The following IQCM variants were observed in gnomAD, a reference collection of about 807,000 sequenced individuals.
IQCM encodes the protein IQ motif containing M, also known as IQ domain-containing protein M.
In IQCM, 45 loss-of-function variants were observed where a neutral mutation model predicts 57.6. The observed-to-expected ratio is 0.78, with a 90% CI of 0.62 to 1.00. The LOEUF (loss-of-function observed/expected upper bound fraction) is 1.00. Ranked by LOEUF, IQCM falls within the 50% of genes least tolerant of loss-of-function variation. The probability of loss-of-function intolerance (pLI) is 0.00; values close to 1 mark genes in which losing one functional copy is unlikely to be tolerated. For missense variants in IQCM, 468 were observed against 511.6 expected (o/e 0.91, Z 0.82); for synonymous variants, 148 against 158.9 (o/e 0.93, Z 0.51).
chr4:149,434,748 A>T (rs1261227367), intron 12 of IQCM, among the ~76,000 whole-genome samples: 1 of 152,042 alleles, frequency 6.6e-6, no homozygotes, highest in Admixed American at 6.6e-5. Context: ...AAATTGGGCA[A>T]TGGAGAGAAC....
At chr4:149,731,875 GT>G (rs33920855) in intron 5 of IQCM, among the ~76,000 whole-genome samples, 37,302 of 151,950 alleles carry the variant, frequency 0.25, 4,643 homozygotes, top group East Asian at 0.28. Flanking sequence ...TTATTTAAAT[GT>G]TTCTAACCAA....
chr4:149,728,337 A>G (rs1233822024), intron 5 of IQCM, among the ~76,000 whole-genome samples: 1 of 152,130 alleles, frequency 6.6e-6, no homozygotes, highest in Non-Finnish European at 1.5e-5. Context: ...TTTACTTGTG[A>G]TGTACTCTCA....
intron 2 of IQCM, among the ~76,000 whole-genome samples, chr4:149,766,416 C>T (rs1306441915): frequency 1.3e-5 from 2 of 152,122 alleles, no homozygotes; most frequent in Non-Finnish European, 2.9e-5. Context: ...TCCCAATTGA[C>T]CACTTGGAAT....
chr4:149,694,506 C>T (rs1425992663), intron 5 of IQCM, among the ~76,000 whole-genome samples: 2 of 152,050 alleles, frequency 1.3e-5, no homozygotes, highest in Non-Finnish European at 2.9e-5. Context: ...CACTGTTCTC[C>T]TGACCTTCAT....
At chr4:149,362,692 T>C (rs1204867518) in intron 13 of IQCM, among the ~76,000 whole-genome samples, 1 of 152,188 alleles carries the variant, frequency 6.6e-6, no homozygotes, top group Non-Finnish European at 1.5e-5. Context: ...AGGGTATGTC[T>C]TTATCAGCAG....
chr4:149,486,067 CTCTG>C (rs1741474026), intron 12 of IQCM, among the ~76,000 whole-genome samples: 1 of 149,046 alleles, frequency 6.7e-6, no homozygotes, highest in Non-Finnish European at 1.5e-5. Context: ...CTCTCTCTTT[CTCTG>C]TCTGTTCTGA....
chr4:149,680,252 C>T (rs1353887438), intron 7 of IQCM, among the ~76,000 whole-genome samples: 1 of 151,236 alleles, frequency 6.6e-6, no homozygotes, highest in Non-Finnish European at 1.5e-5. Flanking sequence ...CATATTCAAC[C>T]TTCCAATTCT....
At chr4:149,509,643 C>G (rs1248472014) in intron 12 of IQCM, among the ~76,000 whole-genome samples, 2 of 152,056 alleles carry the variant, frequency 1.3e-5, no homozygotes, top group African/African-American at 2.4e-5. Context: ...TGAGAAAAGT[C>G]TGCTTATTAG....
intron 9 of IQCM, among the ~76,000 whole-genome samples, chr4:149,582,473 A>C (rs1007090072): frequency 6.0e-5 from 9 of 150,330 alleles, no homozygotes; most frequent in African/African-American, 2.2e-4. Context: ...GATAGGTATT[A>C]AGCTTAAATC....
chr4:149,528,327 G>A (rs1021476278), intron 12 of IQCM, among the ~76,000 whole-genome samples: 2 of 152,084 alleles, frequency 1.3e-5, no homozygotes, highest in Non-Finnish European at 2.9e-5. Context: ...TCTCAACTGA[G>A]GCACCATGTA....
chr4:149,770,776 G>C (rs1770497039), intron 2 of IQCM, among the ~76,000 whole-genome samples: 1 of 151,978 alleles, frequency 6.6e-6, no homozygotes, highest in Non-Finnish European at 1.5e-5. Flanking sequence ...AGAATTTTCT[G>C]AACTGGATAA....
At position 149,783,465 on chromosome 4, in the gene IQCM, G is replaced by A. The variant is rs560253848; in HGVS notation, c.-49+31846C>T. Reference sequence around the variant, plus strand: ...CCTCCTAGCTGGGCCACCTGCTTCCGTCTTGACCTCCCTACAGGATATTCT... The same window carrying A: ...CCTCCTAGCTGGGCCACCTGCTTCCATCTTGACCTCCCTACAGGATATTCT... On this transcript the variant is annotated intron_variant, in intron 2 of 13. Transcript: ENST00000636793. Among the ~76,000 whole-genome samples, 35 of 152,202 alleles carry A rather than the reference G, an allele frequency of 2.3e-4. No homozygotes were observed. In the South Asian group the frequency reaches 4.4e-3, roughly 19 times the overall value.
chr4:149,650,734 T>TA (rs1759098741), intron 7 of IQCM, among the ~76,000 whole-genome samples: 2 of 152,154 alleles, frequency 1.3e-5, no homozygotes, highest in African/African-American at 4.8e-5. Context: ...GGTAATTTGT[T>TA]ACCACACAGC....
At chr4:149,629,792 A>T (rs1757101265) in intron 7 of IQCM, among the ~76,000 whole-genome samples, 1 of 152,194 alleles carries the variant, frequency 6.6e-6, no homozygotes, top group Non-Finnish European at 1.5e-5. Context: ...AATGAATTTT[A>T]GAAATGTTTG....
chr4:149,665,129 C>A (rs78706048), intron 7 of IQCM, among the ~76,000 whole-genome samples: 13 of 152,066 alleles, frequency 8.5e-5, no homozygotes, highest in Non-Finnish European at 1.9e-4. Flanking sequence ...GCTACTGGCC[C>A]CTGGGGTAGG....
At chr4:149,354,358 C>T (rs1348816920) in intron 13 of IQCM, among the ~76,000 whole-genome samples, 5 of 10,744 alleles carry the variant, frequency 4.7e-4, no homozygotes, top group African/African-American at 1.3e-3. Flanking sequence ...AGCGAGACTC[C>T]GTCTCAAAAA....
chr4:149,613,726 C>G (rs1280683166), intron 8 of IQCM, among the ~76,000 whole-genome samples: 2 of 152,078 alleles, frequency 1.3e-5, no homozygotes, highest in Admixed American at 6.6e-5. Context: ...CCGCTCCCCC[C>G]ACCCCACAAC....
rs574636429 is a variant in IQCM at position 149,648,906 on chromosome 4, GA to G, written c.566-27663del. Reference sequence around the variant, plus strand: ...AAAACTTAAAGTATAATAAAAAAAAGAAAAAAAAGAATACAAAAATTAAAAA... The same window carrying G: ...AAAACTTAAAGTATAATAAAAAAAAGAAAAAAAGAATACAAAAATTAAAAA... On this transcript the variant is annotated intron_variant, in intron 7 of 13. Coordinates refer to ENST00000636793, the MANE Select transcript of IQCM (RefSeq NM_001363507.2). 2.9e-3 allele frequency among the ~76,000 whole-genome samples: 438 copies of G among 151,188 alleles called. 2 individuals carry two copies. The highest frequency in any genetic ancestry group is 9.9e-3 in the African/African-American group (408 of 41,244).
At chr4:149,560,412 A>T (rs1237807850) in intron 10 of IQCM, among the ~76,000 whole-genome samples, 1 of 152,196 alleles carries the variant, frequency 6.6e-6, no homozygotes, top group Non-Finnish European at 1.5e-5. Context: ...AGCCAATAGC[A>T]ATAGAATATA....
Sources: allele counts gnomAD v4.1 joint callset (sites outside exome capture counted in the v4.1 genomes callset), GRCh38; gene constraint gnomAD v4.1.1; transcripts MANE v1.5; gene names NCBI Gene and HGNC (gene_info 2026-07-23, HGNC 2026-07-21).